AHRR: variants seen among roughly 807,000 people sequenced by gnomAD.
AHRR encodes the protein ahR repressor.
In AHRR, 28 loss-of-function variants were observed where a neutral mutation model predicts 44.0. The observed-to-expected ratio is 0.64, with a 90% CI of 0.47 to 0.87. The LOEUF (loss-of-function observed/expected upper bound fraction) is 0.87. AHRR is among the 40% of genes least tolerant of loss of function. The pLI, the probability that AHRR is intolerant of heterozygous loss-of-function variation, is 0.00. For missense variants in AHRR, 990 were observed against 953.9 expected (o/e 1.04, Z -0.50); for synonymous variants, 434 against 407.0 (o/e 1.07, Z -0.80).
At chr5:432,600 C>T (rs1736780316) in intron 9 of AHRR, 76 bp downstream of exon 9, 1 of 1,551,430 alleles carries the variant, frequency 6.4e-7, no homozygotes. Context: ...CTTCCCCGCC[C>T]AGTGGAGATG....
At chr5:340,428 G>A (rs183532110) in intron 1 of AHRR, among the ~76,000 whole-genome samples, 28 of 151,572 alleles carry the variant, frequency 1.8e-4, no homozygotes, top group African/African-American at 6.8e-4. Flanking sequence ...TTTCTGGTGA[G>A]GCCTCTCTTC....
chr5:354,639 G>T (rs1188445980), intron 3 of AHRR, among the ~76,000 whole-genome samples: 1 of 152,234 alleles, frequency 6.6e-6, no homozygotes, highest in Non-Finnish European at 1.5e-5. Flanking sequence ...GGGTGGGAGA[G>T]AAGCTGCTTT....
Position 434,950 on chromosome 5 carries a change from G to C in AHRR, c.*116G>C. 7.3e-7 allele frequency: 1 copy of C among 1,366,370 alleles called. No individual in the cohort carries two copies. 84.6% of individuals were successfully genotyped at this position (1,366,370 alleles called of 1,614,324 possible). A position where few individuals can be genotyped will look rare whatever the true frequency, so the allele number is the denominator to read the frequency against. On this transcript the variant is annotated 3_prime_UTR_variant, in exon 11 of 11. Transcript: ENST00000684583. ...CGTCCTAAGACACACGCTTTGCAGAGCTGTGCATGCGCAGTCTGCTAGTGT... is the reference window on the plus strand; with the variant it reads ...CGTCCTAAGACACACGCTTTGCAGACCTGTGCATGCGCAGTCTGCTAGTGT...
At chr5:359,675 C>A (rs778334115) in intron 3 of AHRR, among the ~76,000 whole-genome samples, 4 of 152,182 alleles carry the variant, frequency 2.6e-5, no homozygotes, top group African/African-American at 9.7e-5. Flanking sequence ...TTGCATCCAC[C>A]GTGCTCCACT....
intron 4 of AHRR, among the ~76,000 whole-genome samples, chr5:396,275 G>A (rs1323986923): frequency 1.3e-5 from 2 of 152,198 alleles, no homozygotes; most frequent in Non-Finnish European, 2.9e-5. Flanking sequence ...TGGAAAGGAC[G>A]GCCGTGTGGG....
At chr5:378,732 C>A (rs1733851145) in intron 4 of AHRR, among the ~76,000 whole-genome samples, 1 of 152,176 alleles carries the variant, frequency 6.6e-6, no homozygotes, top group African/African-American at 2.4e-5. Context: ...GAGCTCCCTG[C>A]ACAATACGAG....
intron 1 of AHRR, among the ~76,000 whole-genome samples, chr5:328,289 ACAGAGT>A (rs1359820359): frequency 1.2e-5 from 1 of 81,926 alleles, no homozygotes; most frequent in Non-Finnish European, 2.1e-5. Flanking sequence ...TTTTTTTGAG[ACAGAGT>A]CTCCCTCTGT....
rs1031336588 is a variant in AHRR, at chr5:337,733, C to T, written c.-10-6160C>T. On this transcript the variant is annotated intron_variant, in intron 1 of 10. Coordinates refer to ENST00000684583, the MANE Select transcript of AHRR (RefSeq NM_001377236.1). This position sits in a 1 kb window ranked among gnomAD's most constrained non-coding sequence, Gnocchi z 4.1. ...GGCTGCGGGAGGCCCCTAAGGAGTG[C>T]GCTTGGAAGGGGGCTCCCTTCCCAA... Among the ~76,000 whole-genome samples the T allele has an allele frequency of 5.3e-5, 8 of 152,120 alleles. No individual in the cohort carries two copies. Among genetic ancestry groups the T allele is most frequent in the East Asian group, 3.8e-4 (2 of 5,200 alleles).
intron 1 of AHRR, among the ~76,000 whole-genome samples, chr5:327,620 C>T (rs1560876190): frequency 6.6e-6 from 1 of 151,982 alleles, no homozygotes; most frequent in Non-Finnish European, 1.5e-5. Context: ...TTGATTAATC[C>T]ACTGATGGGA....
chr5:362,008 T>C (rs967213609), intron 3 of AHRR, among the ~76,000 whole-genome samples: 17 of 152,198 alleles, frequency 1.1e-4, no homozygotes, highest in African/African-American at 4.1e-4. Flanking sequence ...AATGTTTGTG[T>C]CCCCTAAAAC....
chr5:403,615 G>A (rs564979361), intron 4 of AHRR: 2 of 473,684 alleles, frequency 4.2e-6, no homozygotes, highest in Admixed American at 6.8e-5. Flanking sequence ...TCCAGCCTAG[G>A]TGACAGAATG....
Position 384,411 on chromosome 5 carries a change from A to G in AHRR, c.351+7695A>G, listed in dbSNP as rs544881419. The stretch of plus-strand genomic sequence containing the variant: ...TGTCATATGTATTATATCTACATAC[A>G]TTAAACCCTCCAGACAATATAATTT... On this transcript the variant is annotated intron_variant, in intron 4 of 10. Coordinates refer to ENST00000684583, the MANE Select transcript of AHRR (RefSeq NM_001377236.1). 1.4e-3 allele frequency among the ~76,000 whole-genome samples: 218 copies of G among 152,348 alleles called. 3 individuals carry two copies. Among genetic ancestry groups the G allele is most frequent in the African/African-American group, 4.9e-3 (204 of 41,574 alleles).
intron 1 of AHRR, among the ~76,000 whole-genome samples, chr5:324,360 C>T (rs903028081): frequency 1.3e-5 from 2 of 151,768 alleles, no homozygotes; most frequent in South Asian, 2.1e-4. Flanking sequence ...TGAGCCACCA[C>T]GCCCAGCCGC....
chr5:345,772 C>T (rs962956921), intron 2 of AHRR, among the ~76,000 whole-genome samples: 1 of 152,020 alleles, frequency 6.6e-6, no homozygotes, highest in South Asian at 2.1e-4. Context: ...GGCCGTGGTG[C>T]CTCCAAGCAC....
intron 5 of AHRR, among the ~76,000 whole-genome samples, chr5:420,370 G>T (rs937291449): frequency 3.3e-5 from 5 of 152,182 alleles, no homozygotes; most frequent in African/African-American, 1.2e-4. Context: ...GGAGAAAGAA[G>T]GAGCCCCAGG....
intron 4 of AHRR, among the ~76,000 whole-genome samples, chr5:381,825 G>A (rs137892483): frequency 2.1e-3 from 319 of 150,640 alleles, no homozygotes; most frequent in African/African-American, 7.3e-3. Flanking sequence ...GCTTTTTTTT[G>A]TTTGTTTTGT....
intron 4 of AHRR, among the ~76,000 whole-genome samples, chr5:399,975 G>T (rs540177752): frequency 2.0e-5 from 3 of 152,228 alleles, no homozygotes; most frequent in Non-Finnish European, 4.4e-5. Flanking sequence ...TCGCACGCAC[G>T]CAAGCCCCAT....
intron 4 of AHRR, among the ~76,000 whole-genome samples, chr5:377,946 C>T (rs974448330): frequency 6.6e-6 from 1 of 152,236 alleles, no homozygotes; most frequent in African/African-American, 2.4e-5. Flanking sequence ...TGGCCTGACT[C>T]CCCTACCTGG....
chr5:414,604 G>A (rs1735635651), intron 5 of AHRR, among the ~76,000 whole-genome samples: 1 of 152,198 alleles, frequency 6.6e-6, no homozygotes, highest in Admixed American at 6.5e-5. Flanking sequence ...CAGCTGACAG[G>A]TAAACAAACC....
Sources: allele counts gnomAD v4.1 joint callset (sites outside exome capture counted in the v4.1 genomes callset), GRCh38; gene constraint gnomAD v4.1.1; non-coding constraint Gnocchi (gnomAD v3.1); transcripts MANE v1.5; gene names NCBI Gene and HGNC (gene_info 2026-07-23, HGNC 2026-07-21).